SRRM3: variants seen among roughly 807,000 people sequenced by gnomAD.
SRRM3 encodes the protein serine/arginine repetitive matrix 3.
SRRM3 carries 27 observed loss-of-function variants against 66.2 expected under a neutral mutation model. That is an observed-to-expected ratio of 0.41 (90% confidence interval 0.30 to 0.56). The LOEUF is 0.56. Ranked by LOEUF, SRRM3 falls within the 20% of genes least tolerant of loss-of-function variation. The pLI is 0.32. For synonymous variants in SRRM3, 391 were observed against 414.9 expected (o/e 0.94, Z 0.70); for missense variants, 918 against 991.9 (o/e 0.93, Z 1.00).
chr7:76,282,699 G>A lies in SRRM3; in HGVS notation c.1422G>A (p.Pro474=). 7.0e-7 allele frequency: 1 copy of A among 1,418,734 alleles called. No individual in the cohort carries two copies. The highest frequency in any genetic ancestry group is 9.1e-7 in the Non-Finnish European group (1 of 1,093,162). The allele number at this position is 1,418,734 out of a possible 1,614,324, so 87.9% of individuals were successfully genotyped here. Residue 474 remains proline (P), a synonymous_variant, in exon 13 of 15, where the codon CCG becomes CCA. Transcript: ENST00000611745. Reference sequence around the variant, plus strand: ...GGCCCGCCAGCACCTCTCCGTCCCCGGGCGCGCACGGCCGGCGCGGCGGCC... The same window carrying A: ...GGCCCGCCAGCACCTCTCCGTCCCCAGGCGCGCACGGCCGGCGCGGCGGCC... ...RARPASTSPS[P]GAHGRRGGPE...
At chr7:76,209,844 A>G (rs1554601552) in intron 1 of SRRM3, among the ~76,000 whole-genome samples, 2 of 152,110 alleles carry the variant, frequency 1.3e-5, no homozygotes, top group Non-Finnish European at 2.9e-5. Context: ...GGCCTCAAGC[A>G]ATCCTCCCAT....
At chr7:76,283,240 A>T in intron 14 of SRRM3, 139 bp downstream of exon 14, 27 of 810,712 alleles carry the variant, frequency 3.3e-5, no homozygotes, top group Non-Finnish European at 4.2e-5. Context: ...CTAAGGGACA[A>T]TGAGTGGGTT....
intron 11 of SRRM3, among the ~76,000 whole-genome samples, chr7:76,278,619 C>T (rs188560029): frequency 5.1e-4 from 78 of 152,332 alleles, no homozygotes; most frequent in African/African-American, 1.9e-3. Flanking sequence ...CAGGAAATAT[C>T]CATTGTGCCC....
chr7:76,275,514 A>AG (rs1285928136), intron 11 of SRRM3, among the ~76,000 whole-genome samples: 2 of 151,732 alleles, frequency 1.3e-5, no homozygotes, highest in Admixed American at 1.3e-4. Context: ...AAAAAAAAAA[A>AG]AAAGAAAAGA....
At chr7:76,251,754 AC>A (rs1401797448) in intron 3 of SRRM3, among the ~76,000 whole-genome samples, 3 of 150,054 alleles carry the variant, frequency 2.0e-5, no homozygotes, top group Non-Finnish European at 4.4e-5. Context: ...ACAGAGCAAG[AC>A]CCCCATCTCT....
At chr7:76,268,236 C>T (rs941494902) in intron 11 of SRRM3, 34 of 152,524 alleles carry the variant, frequency 2.2e-4, no homozygotes, top group African/African-American at 8.2e-4. Context: ...AGAGACGTCT[C>T]AGCCTGTCCC....
chr7:76,234,823 A>G (rs187685906), intron 1 of SRRM3, among the ~76,000 whole-genome samples: 111 of 152,244 alleles, frequency 7.3e-4, no homozygotes, highest in African/African-American at 2.6e-3. Context: ...TTACAGATGG[A>G]AAAAGCCCAG....
At chr7:76,226,990 AG>A (rs2116977240) in intron 1 of SRRM3, among the ~76,000 whole-genome samples, 1 of 152,324 alleles carries the variant, frequency 6.6e-6, no homozygotes, top group South Asian at 2.1e-4. Flanking sequence ...ACAAGGGTGC[AG>A]AGAGGGGAAG....
chr7:76,267,693 C>G (rs1554609994), intron 11 of SRRM3: 1 of 374,172 alleles, frequency 2.7e-6, no homozygotes, highest in Non-Finnish European at 4.7e-6. Context: ...GCTTGGCAAA[C>G]TGAAGGCCAG....
intron 1 of SRRM3, among the ~76,000 whole-genome samples, chr7:76,228,682 C>T (rs139393950): frequency 7.2e-5 from 11 of 152,160 alleles, no homozygotes; most frequent in Non-Finnish European, 1.3e-4. Flanking sequence ...TGAGATCGCA[C>T]CATTGCACTC....
chr7:76,225,460 GC>G (rs1385242101), intron 1 of SRRM3, among the ~76,000 whole-genome samples: 1 of 145,772 alleles, frequency 6.9e-6, no homozygotes, highest in African/African-American at 2.5e-5. Flanking sequence ...GAACGGTGCT[GC>G]CCCCCTCCCC....
chr7:76,242,881 T>A (rs1801345145), intron 2 of SRRM3, among the ~76,000 whole-genome samples: 1 of 152,106 alleles, frequency 6.6e-6, no homozygotes, highest in South Asian at 2.1e-4. Context: ...TAAATACAGG[T>A]GAAGCTTTGC....
chr7:76,236,008 A>AAAAAAAAAAAAAAG (rs1801141710), intron 2 of SRRM3, among the ~76,000 whole-genome samples: 1 of 133,378 alleles, frequency 7.5e-6, no homozygotes, highest in African/African-American at 3.3e-5. Context: ...TCTGTCTCAA[A>AAAAAAAAAAAAAAG]AAAAAAAAAA....
chr7:76,205,584 C>T (rs1800281411), intron 1 of SRRM3, among the ~76,000 whole-genome samples: 1 of 152,246 alleles, frequency 6.6e-6, no homozygotes. Flanking sequence ...GCCTCAATCA[C>T]CTCACCTCTG....
chr7:76,215,715 C>T (rs1800550606), intron 1 of SRRM3, among the ~76,000 whole-genome samples: 1 of 149,954 alleles, frequency 6.7e-6, no homozygotes, highest in Admixed American at 6.6e-5. Context: ...GCAACCTCTG[C>T]CTCCCAGGTT....
At chr7:76,244,542 A>T (rs1801390284) in intron 2 of SRRM3, among the ~76,000 whole-genome samples, 1 of 132,462 alleles carries the variant, frequency 7.5e-6, no homozygotes, top group Non-Finnish European at 1.6e-5. Context: ...AAAAAAAAAA[A>T]AGTTGAAGAA....
chr7:76,281,140 C>T (rs1263798478), intron 11 of SRRM3, among the ~76,000 whole-genome samples: 1 of 149,398 alleles, frequency 6.7e-6, no homozygotes, highest in Non-Finnish European at 1.5e-5. Context: ...CTCTTCTCTG[C>T]CTCCTCCCTC....
At chr7:76,268,265 C>T (rs897163023) in intron 11 of SRRM3, 3 of 152,282 alleles carry the variant, frequency 2.0e-5, no homozygotes, top group African/African-American at 7.2e-5. Flanking sequence ...TGGGCTGGGC[C>T]TGGGTTGGGG....
At chr7:76,203,730 A>C (rs1200090019) in intron 1 of SRRM3, among the ~76,000 whole-genome samples, 1 of 151,870 alleles carries the variant, frequency 6.6e-6, no homozygotes, top group Non-Finnish European at 1.5e-5. Flanking sequence ...CTGAGAAATG[A>C]AGCTTGAGTG....
Sources: gnomAD v4.1 joint callset for allele counts (sites outside exome capture counted in the v4.1 genomes callset) on GRCh38, gnomAD v4.1.1 for gene constraint, MANE v1.5 for transcripts, NCBI Gene and HGNC (gene_info 2026-07-23, HGNC 2026-07-21) for gene names.